Variants in DCC observed in about 807,000 individuals in gnomAD.
DCC encodes netrin receptor DCC.
A neutral mutation model predicts 172.5 loss-of-function variants in DCC; 58 were observed. That is an observed-to-expected ratio of 0.34 (90% CI 0.27 to 0.42). The LOEUF (loss-of-function observed/expected upper bound fraction) is 0.42, where lower values mean the gene tolerates loss of function less well. Among genes scored for constraint, DCC ranks in the 10% least tolerant of loss-of-function variants. DCC has a pLI of 1.00. For synonymous variants in DCC, 709 were observed against 644.5 expected (o/e 1.10, Z -1.52); for missense variants, 1,740 against 1,791.0 (o/e 0.97, Z 0.51).
chr18:53,256,728 G>A (rs1419715657), intron 12 of DCC, among the ~76,000 whole-genome samples: 2 of 152,136 alleles, frequency 1.3e-5, no homozygotes, highest in Non-Finnish European at 2.9e-5. Context: ...CTTTAAAGTA[G>A]GTTTTCCCAA....
At chr18:53,268,045 T>C (rs1400284514) in intron 12 of DCC, among the ~76,000 whole-genome samples, 1 of 152,114 alleles carries the variant, frequency 6.6e-6, no homozygotes, top group Non-Finnish European at 1.5e-5. Context: ...CTTTGGGGGG[T>C]AGCTGAGAGC....
intron 19 of DCC, among the ~76,000 whole-genome samples, chr18:53,407,530 T>G (rs574430386): frequency 1.6e-4 from 9 of 55,630 alleles, no homozygotes; most frequent in Admixed American, 1.1e-3. Flanking sequence ...TTATTCTGGA[T>G]ATATATATAT....
At chr18:53,476,934 A>T (rs558488533) in intron 25 of DCC, among the ~76,000 whole-genome samples, 87 of 152,360 alleles carry the variant, frequency 5.7e-4, no homozygotes, top group African/African-American at 2.0e-3. Context: ...ATTCATTGTT[A>T]TCTACAAGCT....
intron 14 of DCC, among the ~76,000 whole-genome samples, chr18:53,334,047 C>T (rs960451596): frequency 1.7e-4 from 26 of 152,194 alleles, no homozygotes; most frequent in African/African-American, 6.3e-4. Flanking sequence ...CCTTTTCCTG[C>T]ACCACTCACA....
At chr18:53,105,703 C>A (rs2043235227) in intron 7 of DCC, among the ~76,000 whole-genome samples, 1 of 151,772 alleles carries the variant, frequency 6.6e-6, no homozygotes, top group African/African-American at 2.4e-5. Context: ...TTTGCTGTCC[C>A]CTCCCACGTG....
At chr18:53,455,205 T>C (rs1220074091) in intron 23 of DCC, among the ~76,000 whole-genome samples, 2 of 152,238 alleles carry the variant, frequency 1.3e-5, no homozygotes, top group Non-Finnish European at 2.9e-5. Flanking sequence ...CTATCAGATG[T>C]TGGGCATGTC....
chr18:52,711,378 C>A (rs1220924895), intron 1 of DCC, among the ~76,000 whole-genome samples: 1 of 152,162 alleles, frequency 6.6e-6, no homozygotes, highest in African/African-American at 2.4e-5. Flanking sequence ...CAGGCATCCA[C>A]CACCAACCCC....
chr18:52,763,296 C>T (rs1416845670), intron 2 of DCC, among the ~76,000 whole-genome samples: 1 of 152,184 alleles, frequency 6.6e-6, no homozygotes, highest in Non-Finnish European at 1.5e-5. Flanking sequence ...CATTAAATTT[C>T]AGTGCTGGTT....
chr18:53,151,756 T>C (rs1293949059), intron 7 of DCC, among the ~76,000 whole-genome samples: 1 of 152,168 alleles, frequency 6.6e-6, no homozygotes, highest in Admixed American at 6.5e-5. Context: ...TTTCTTACTT[T>C]TTCTAAAGTT....
chr18:52,766,948 G>A (rs1051791642), intron 2 of DCC, among the ~76,000 whole-genome samples: 5 of 151,822 alleles, frequency 3.3e-5, no homozygotes, highest in Non-Finnish European at 7.4e-5. Context: ...GAAAATCAGG[G>A]TAGTATTAAA....
At chr18:53,319,667 C>G (rs998711098) in intron 13 of DCC, among the ~76,000 whole-genome samples, 1 of 152,168 alleles carries the variant, frequency 6.6e-6, no homozygotes, top group African/African-American at 2.4e-5. Context: ...GATGGCTGGC[C>G]AGGCAATTCA....
intron 1 of DCC, among the ~76,000 whole-genome samples, chr18:52,484,391 G>C (rs144714349): frequency 1.2e-3 from 187 of 152,138 alleles, no homozygotes; most frequent in Non-Finnish European, 2.3e-3. Flanking sequence ...GGCGGAAACT[G>C]TGATAAGCCC....
chr18:52,969,270 G>A (rs946888356), intron 5 of DCC, among the ~76,000 whole-genome samples: 12 of 152,044 alleles, frequency 7.9e-5, no homozygotes, highest in Non-Finnish European at 1.5e-4. Context: ...TCCTCTGGTT[G>A]TCCTATGGGC....
intron 1 of DCC, among the ~76,000 whole-genome samples, chr18:52,748,231 C>T (rs1020932712): frequency 2.0e-5 from 3 of 152,208 alleles, no homozygotes; most frequent in African/African-American, 7.2e-5. Context: ...ACCAGGCATA[C>T]TGCAAGCAAA....
intron 1 of DCC, among the ~76,000 whole-genome samples, chr18:52,411,049 C>G (rs1292946836): frequency 6.6e-6 from 1 of 152,102 alleles, no homozygotes; most frequent in African/African-American, 2.4e-5. Context: ...CTTCGGAATT[C>G]ATATATAACA....
intron 26 of DCC, among the ~76,000 whole-genome samples, chr18:53,497,057 T>C (rs764489251): frequency 1.3e-5 from 2 of 152,224 alleles, no homozygotes; most frequent in East Asian, 3.9e-4. Context: ...TTAAGGCAGA[T>C]TTTTGAGGAA....
chr18:53,215,356 G>T (rs554954813), intron 11 of DCC, among the ~76,000 whole-genome samples, 192 bp from the exon 12 acceptor site: 1 of 127,894 alleles, frequency 7.8e-6, no homozygotes, highest in East Asian at 2.0e-4. Context: ...CTAGCGAAAT[G>T]AGAAAAAAAA....
intron 25 of DCC, among the ~76,000 whole-genome samples, chr18:53,472,764 C>T (rs2045713659): frequency 6.6e-6 from 1 of 152,150 alleles, no homozygotes; most frequent in African/African-American, 2.4e-5. Context: ...ATCCTGCTTG[C>T]CAGATTTCTT....
chr18:53,464,979 C>CAAAAAA (rs71179510), intron 24 of DCC, among the ~76,000 whole-genome samples: 6 of 54,804 alleles, frequency 1.1e-4, no homozygotes, highest in Non-Finnish European at 1.5e-4. Context: ...AACTCAATCT[C>CAAAAAA]AAAAAAAAAA....
Sources: gnomAD v4.1 joint callset for allele counts (sites outside exome capture counted in the v4.1 genomes callset) on GRCh38, gnomAD v4.1.1 for gene constraint, MANE v1.5 for transcripts, NCBI Gene and HGNC (gene_info 2026-07-23, HGNC 2026-07-21) for gene names.